The following FAM53B variants were observed in gnomAD, a reference collection of about 807,000 sequenced individuals.
FAM53B encodes the protein protein FAM53B.
A neutral mutation model predicts 32.7 loss-of-function variants in FAM53B; 12 were observed. The ratio of observed to expected loss-of-function variants is 0.37; its 90% CI spans 0.24 to 0.59. The LOEUF (loss-of-function observed/expected upper bound fraction) is 0.59. Among genes scored for constraint, FAM53B ranks in the 20% least tolerant of loss-of-function variants. The probability of loss-of-function intolerance (pLI) is 0.72; values close to 1 mark genes in which losing one functional copy is unlikely to be tolerated. For synonymous variants in FAM53B, 234 were observed against 228.7 expected (o/e 1.02, Z -0.21); for missense variants, 477 against 577.7 (o/e 0.83, Z 1.79).
intron 3 of FAM53B, among the ~76,000 whole-genome samples, chr10:124,686,951 T>C (rs1408522160): frequency 6.6e-6 from 1 of 152,226 alleles, no homozygotes; most frequent in Non-Finnish European, 1.5e-5. Context: ...ACGTCTAAAA[T>C]ACTTTGGAAA....
chr10:124,623,006 G>T lies in FAM53B; in HGVS notation c.*236C>A. On this transcript the variant is annotated 3_prime_UTR_variant, in exon 5 of 5. Coordinates refer to ENST00000337318, the MANE Select transcript of FAM53B (RefSeq NM_014661.4). ...TCCTCTGGGCTGCAGTAGTTCTGTG[G>T]ACCTGGTGGCTGCCACGCTCGGGGA... The T allele has an allele frequency of 1.8e-6, 1 of 542,516 alleles. No individual in the cohort carries two copies. The highest frequency in any genetic ancestry group is 3.2e-6 in the Non-Finnish European group (1 of 309,188). The allele number at this position is 542,516 out of a possible 1,614,324, so 33.6% of individuals were successfully genotyped here. A position where few individuals can be genotyped will look rare whatever the true frequency, so the allele number is the denominator to read the frequency against.
intron 2 of FAM53B, among the ~76,000 whole-genome samples, chr10:124,698,586 C>T (rs1392184859): frequency 6.6e-6 from 1 of 152,166 alleles, no homozygotes; most frequent in Non-Finnish European, 1.5e-5. Flanking sequence ...ACTCAACTTG[C>T]TCATTCATTC....
intron 4 of FAM53B, among the ~76,000 whole-genome samples, chr10:124,631,155 G>A (rs75360179): frequency 0.11 from 17,125 of 152,274 alleles, 1,054 homozygotes; most frequent in Admixed American, 0.15. Flanking sequence ...CCCCGCTCTG[G>A]TGGCTCTCTT....
chr10:124,692,949 A>G (rs1014355715), intron 3 of FAM53B, among the ~76,000 whole-genome samples: 3 of 152,160 alleles, frequency 2.0e-5, no homozygotes, highest in African/African-American at 7.2e-5. Flanking sequence ...ATGGGGGCTC[A>G]GGAGGAAAAA....
At chr10:124,643,549 G>A (rs996828921) in intron 4 of FAM53B, among the ~76,000 whole-genome samples, 10 of 152,292 alleles carry the variant, frequency 6.6e-5, no homozygotes, top group African/African-American at 2.2e-4. Context: ...GAGGGCCAGC[G>A]GGGGGGTGCA....
At chr10:124,736,113 G>A (rs1950171748) in intron 1 of FAM53B, among the ~76,000 whole-genome samples, 1 of 152,242 alleles carries the variant, frequency 6.6e-6, no homozygotes. Context: ...GCACTGCTCT[G>A]CAAGGCACTA....
Position 124,620,409 on chromosome 10 carries a change from A to G in FAM53B, c.*2833T>C, listed in dbSNP as rs1047144999. 3 of 133,896 alleles carry G rather than the reference A, an allele frequency of 2.2e-5. No individual in the cohort carries two copies. In the Admixed American group the frequency reaches 2.6e-4, roughly 11 times the overall value. The allele number at this position is 133,896 out of a possible 1,614,324, so 8.3% of individuals were successfully genotyped here. ...GGCTTAGCCCGCGCTTTAGGACCCCATGAGCAGGCAGATGGCCTGGCACGG... is the reference window on the plus strand; with the variant it reads ...GGCTTAGCCCGCGCTTTAGGACCCCGTGAGCAGGCAGATGGCCTGGCACGG... On this transcript the variant is annotated 3_prime_UTR_variant, in exon 5 of 5. Coordinates refer to ENST00000337318, the MANE Select transcript of FAM53B (RefSeq NM_014661.4).
intron 4 of FAM53B, among the ~76,000 whole-genome samples, chr10:124,643,819 G>A (rs1366094052): frequency 1.3e-5 from 2 of 152,214 alleles, no homozygotes; most frequent in African/African-American, 4.8e-5. Flanking sequence ...GGCGGCTCCT[G>A]GAGCGGCCAG....
chr10:124,713,858 A>G (rs1311204771), intron 1 of FAM53B: 1 of 152,234 alleles, frequency 6.6e-6, no homozygotes, highest in African/African-American at 2.4e-5. Context: ...TGGCTCCCGG[A>G]AGTCATTGCT....
At chr10:124,683,870 C>A (rs1238687049) in intron 3 of FAM53B, among the ~76,000 whole-genome samples, 2 of 152,190 alleles carry the variant, frequency 1.3e-5, no homozygotes. Flanking sequence ...AGTGGCCACT[C>A]CTCAAAGGGC....
rs369751139 is a variant in FAM53B at position 124,623,449 on chromosome 10, C to T, written c.1062G>A (p.Pro354=). ...GPGGRTPAGT[P]VPEPLPPSFD... is the part of the protein sequence containing the mutation. ...AGGAAGGGGGAAGAGGCTCAGGGAC[C>T]GGGGTCCCAGCGGGGGTCCTGCCCC... Residue 354 remains proline, a synonymous_variant, in exon 5 of 5, where the codon CCG becomes CCA. Transcript: ENST00000337318. 79 of 1,593,048 alleles carry T rather than the reference C, an allele frequency of 5.0e-5. No individual in the cohort carries two copies. In the African/African-American group the frequency reaches 5.9e-4, roughly 12 times the overall value.
Position 124,682,287 on chromosome 10 carries a change from T to C in FAM53B, c.226A>G (p.Ser76Gly). 1 of 1,613,980 alleles carries C rather than the reference T, an allele frequency of 6.2e-7. No individual in the cohort carries two copies. Among genetic ancestry groups the C allele is most frequent in the Non-Finnish European group, 8.5e-7 (1 of 1,179,986 alleles). The change falls in exon 4 of 5, where the codon AGC becomes GGC. Residue 76 changes from serine to glycine, a missense_variant. Ser to Gly is a moderately conservative substitution (Grantham distance 56, BLOSUM62 0). Around this residue, in one of 2 missense-constraint regions of FAM53B, gnomAD observed 312 missense variants for 420.2 expected, o/e 0.74. Transcript: ENST00000337318. This position sits in a 1 kb window ranked among gnomAD's most constrained non-coding sequence, Gnocchi z 5.2. ...SIWECLPEKD[S>G]SLWHREAVTA... Reference sequence around the variant, plus strand: ...ACTGCCTCCCGGTGCCATAGTGAGCTGTCCTTTTCAGGCAGGCATTCCCAG... The same window carrying C: ...ACTGCCTCCCGGTGCCATAGTGAGCCGTCCTTTTCAGGCAGGCATTCCCAG...
At chr10:124,635,691 T>C (rs985834122) in intron 4 of FAM53B, among the ~76,000 whole-genome samples, 4 of 151,914 alleles carry the variant, frequency 2.6e-5, no homozygotes, top group South Asian at 2.1e-4. Context: ...GCAATCCCAA[T>C]GGGAACGGAC....
intron 4 of FAM53B, among the ~76,000 whole-genome samples, chr10:124,664,189 C>T (rs550088225): frequency 1.1e-4 from 17 of 152,138 alleles, no homozygotes; most frequent in Middle Eastern, 6.8e-3. Flanking sequence ...CTGGCACCTC[C>T]CCTAGGGCTG....
intron 4 of FAM53B, among the ~76,000 whole-genome samples, chr10:124,643,828 A>G (rs972441): frequency 0.94 from 142,937 of 152,274 alleles, 67,700 homozygotes; most frequent in Non-Finnish European, 1. Context: ...TGGAGCGGCC[A>G]GCAGGCTAGG....
At chr10:124,667,574 C>A (rs1365298804) in intron 4 of FAM53B, among the ~76,000 whole-genome samples, 1 of 152,182 alleles carries the variant, frequency 6.6e-6, no homozygotes, top group African/African-American at 2.4e-5. Context: ...TGAGGAGGAC[C>A]GGGCAGGGCT....
intron 1 of FAM53B, among the ~76,000 whole-genome samples, chr10:124,716,368 C>T (rs1207849682): frequency 3.3e-5 from 5 of 152,174 alleles, no homozygotes; most frequent in Non-Finnish European, 5.9e-5. Flanking sequence ...AAAAACAAAA[C>T]AAGACAAAAC....
At chr10:124,689,665 G>A (rs1276772243) in intron 3 of FAM53B, among the ~76,000 whole-genome samples, 1 of 152,240 alleles carries the variant, frequency 6.6e-6, no homozygotes, top group African/African-American at 2.4e-5. Flanking sequence ...AGCTACTAAG[G>A]ACAAAGATCG....
intron 4 of FAM53B, among the ~76,000 whole-genome samples, chr10:124,665,083 G>C (rs1949660807): frequency 6.6e-6 from 1 of 152,150 alleles, no homozygotes; most frequent in African/African-American, 2.4e-5. Context: ...TGTGCACCAG[G>C]CTCTTGGACC....
Sources: gnomAD v4.1 joint callset for allele counts (sites outside exome capture counted in the v4.1 genomes callset) on GRCh38, gnomAD v4.1.1 for gene constraint, gnomAD v4.1.1 regional missense constraint, Gnocchi (gnomAD v3.1) non-coding constraint, MANE v1.5 for transcripts, NCBI Gene and HGNC (gene_info 2026-07-23, HGNC 2026-07-21) for gene names.